SNX5: variants seen among roughly 807,000 people sequenced by gnomAD.
SNX5 encodes sorting nexin-5.
SNX5 carries 31 observed loss-of-function variants against 53.9 expected under a neutral mutation model. That is an observed-to-expected ratio of 0.58 (90% CI 0.43 to 0.78). SNX5 has a LOEUF of 0.78. Among genes scored for constraint, SNX5 ranks in the 30% least tolerant of loss-of-function variants. The pLI, the probability that SNX5 is intolerant of heterozygous loss-of-function variation, is 0.00. For missense variants in SNX5, 471 were observed against 478.8 expected (o/e 0.98, Z 0.15); for synonymous variants, 168 against 171.1 (o/e 0.98, Z 0.14).
At chr20:17,943,052 G>A in intron 12 of SNX5, 58 bp downstream of exon 12, 1 of 1,245,038 alleles carries the variant, frequency 8.0e-7, no homozygotes, top group Non-Finnish European at 1.2e-6. Context: ...TAGTAAACTG[G>A]GAAATAACTT....
chr20:17,965,868 G>A (rs574819470), intron 1 of SNX5, among the ~76,000 whole-genome samples: 1 of 152,192 alleles, frequency 6.6e-6, no homozygotes, highest in East Asian at 1.9e-4. Context: ...GTAGCATAAA[G>A]CTTCAGTCCA....
rs144854415 is a variant in SNX5 at position 17,960,016 on chromosome 20, C to A, written c.52-2979G>T. ...TTACAATGCTTACAGTGGCCGTTTA[C>A]AACAGTTAACAAAGCAGGCTTTAGA... On this transcript the variant is annotated intron_variant, in intron 1 of 12. Transcript: ENST00000377759. Among the ~76,000 whole-genome samples, 6 of 152,302 alleles carry A rather than the reference C, an allele frequency of 3.9e-5. No homozygotes were observed. The East Asian group carries it at 1.2e-3, about 29-fold the overall frequency.
intron 4 of SNX5, among the ~76,000 whole-genome samples, chr20:17,952,929 T>C (rs2039590657): frequency 6.6e-6 from 1 of 152,270 alleles, no homozygotes; most frequent in Non-Finnish European, 1.5e-5. Flanking sequence ...ATGTTGTAAC[T>C]GGATTTGATG....
chr20:17,958,249 G>A (rs934659825), intron 1 of SNX5, among the ~76,000 whole-genome samples: 1 of 152,176 alleles, frequency 6.6e-6, no homozygotes, highest in Admixed American at 6.5e-5. Context: ...GGAATGCCAA[G>A]TGAAGATTAC....
intron 11 of SNX5, chr20:17,945,394 T>C (rs1372745381): frequency 1.3e-5 from 2 of 152,212 alleles, no homozygotes; most frequent in African/African-American, 4.8e-5. Context: ...TTCCACAGAA[T>C]ACTGTATTTT....
intron 1 of SNX5, among the ~76,000 whole-genome samples, chr20:17,957,811 T>G (rs1184483610): frequency 6.6e-6 from 1 of 152,018 alleles, no homozygotes; most frequent in Non-Finnish European, 1.5e-5. Flanking sequence ...CTGGGACTGT[T>G]TCAAATAGCC....
intron 10 of SNX5, 41 bp downstream of exon 10, chr20:17,948,849 G>T (rs777799339): frequency 1.3e-6 from 2 of 1,508,690 alleles, no homozygotes; most frequent in Non-Finnish European, 1.8e-6. Flanking sequence ...CAGACTTCTG[G>T]TCCTGCACTG....
rs527990789 is a variant in SNX5 at position 17,965,371 on chromosome 20, G to A, written c.51+3004C>T. ...TTTAAACTCAACCTCTAGTTTAGAT[G>A]ACCACTAGGTCTCACCGAATGAGGA... On this transcript the variant is annotated intron_variant, in intron 1 of 12. Coordinates refer to ENST00000377759, the MANE Select transcript of SNX5 (RefSeq NM_014426.4). Among the ~76,000 whole-genome samples the A allele has an allele frequency of 9.9e-5, 15 of 152,232 alleles. No homozygotes were observed. In the East Asian group the frequency reaches 2.9e-3, roughly 29 times the overall value.
At chr20:17,945,285 C>A (rs1272469245) in intron 11 of SNX5, 1 of 152,248 alleles carries the variant, frequency 6.6e-6, no homozygotes, top group Non-Finnish European at 1.5e-5. Flanking sequence ...GTGAAACCAG[C>A]CCTTACCCAC....
intron 1 of SNX5, among the ~76,000 whole-genome samples, chr20:17,958,381 C>G (rs1340023468): frequency 1.3e-5 from 2 of 152,186 alleles, no homozygotes; most frequent in African/African-American, 2.4e-5. Context: ...GGTCAATCAG[C>G]TATAAAAAGA....
At chr20:17,951,369 C>T in intron 6 of SNX5, 131 bp downstream of exon 6, 1 of 629,922 alleles carries the variant, frequency 1.6e-6, no homozygotes, top group Non-Finnish European at 2.9e-6. Flanking sequence ...TGAAAATTAC[C>T]AAAATCTGAA....
intron 1 of SNX5, among the ~76,000 whole-genome samples, chr20:17,962,358 C>T (rs2035469742): frequency 6.6e-6 from 1 of 151,954 alleles, no homozygotes; most frequent in South Asian, 2.1e-4. Context: ...GCGCCCACCA[C>T]CCCACCCAGC....
chr20:17,948,558 C>T (rs1378295991), intron 10 of SNX5, among the ~76,000 whole-genome samples: 4 of 152,236 alleles, frequency 2.6e-5, no homozygotes, highest in Admixed American at 1.3e-4. Context: ...ATTTTGTCCA[C>T]ATATACATAT....
intron 1 of SNX5, chr20:17,961,659 C>G (rs1321487574): frequency 1.0e-6 from 1 of 984,764 alleles, no homozygotes; most frequent in East Asian, 1.1e-4. Flanking sequence ...AGTTTCCATT[C>G]CAAAAGCAGA....
intron 8 of SNX5, 94 bp from the exon 9 acceptor site, chr20:17,949,197 A>G (rs113526562): frequency 1.0e-6 from 1 of 989,868 alleles, no homozygotes. Context: ...TCAACTCAGG[A>G]GTCCTAGCCT....
chr20:17,953,652 G>A (rs73898722), intron 4 of SNX5, among the ~76,000 whole-genome samples: 1,848 of 152,246 alleles, frequency 0.012, 36 homozygotes, highest in African/African-American at 0.041. Flanking sequence ...CCAAGCTTCC[G>A]AAAGAAAAGC....
chr20:17,952,642 T>C lies in SNX5; in HGVS notation c.458A>G (p.His153Arg). The C allele has an allele frequency of 6.2e-7, 1 of 1,613,988 alleles. No individual in the cohort carries two copies. The highest frequency in any genetic ancestry group is 8.5e-7 in the Non-Finnish European group (1 of 1,179,938). The change falls in exon 5 of 13, where the codon CAC (histidine) becomes CGC (arginine). Residue 153 changes from histidine (H) to arginine (R), a missense_variant. Transcript: ENST00000377759. The stretch of plus-strand genomic sequence containing the variant: ...GTTGCGATCTTTACTGAGAACAGGG[T>C]GAGAAGAAAGCCGCTGAAGAAAGAC... ...HEVFLQRLSS[H>R]PVLSKDRNFH...
At chr20:17,953,548 G>T (rs1355251906) in intron 4 of SNX5, among the ~76,000 whole-genome samples, 1 of 152,146 alleles carries the variant, frequency 6.6e-6, no homozygotes, top group African/African-American at 2.4e-5. Flanking sequence ...GGAGGCAAAA[G>T]CAAGCTGATC....
intron 11 of SNX5, among the ~76,000 whole-genome samples, chr20:17,946,386 G>GA (rs1361902651): frequency 6.6e-6 from 1 of 152,230 alleles, no homozygotes; most frequent in Non-Finnish European, 1.5e-5. Context: ...GGCTGGAGCA[G>GA]AGAGTAAGAT....
Sources: gnomAD v4.1 joint callset for allele counts (sites outside exome capture counted in the v4.1 genomes callset) on GRCh38, gnomAD v4.1.1 for gene constraint, MANE v1.5 for transcripts, NCBI Gene and HGNC (gene_info 2026-07-23, HGNC 2026-07-21) for gene names.